Variants in HYCC1 observed in about 807,000 individuals in gnomAD.
HYCC1 encodes hyccin.
the HYCC1 span, among the ~76,000 whole-genome samples, chr7:22,966,674 A>G: frequency 4.6e-5 from 7 of 152,322 alleles, no homozygotes; most frequent in East Asian, 1.3e-3. Context: ...GACTACCTAG[A>G]ACTTAAAGTT....
the HYCC1 span, among the ~76,000 whole-genome samples, chr7:22,970,982 T>G: frequency 6.6e-6 from 1 of 152,162 alleles, no homozygotes; most frequent in Non-Finnish European, 1.5e-5. Context: ...TCACAAGGCA[T>G]GTGAAAATAA....
chr7:22,939,919 G>T, the HYCC1 span: 1 of 152,092 alleles, frequency 6.6e-6, no homozygotes, highest in African/African-American at 2.4e-5. Context: ...ATAATGCAAA[G>T]AAAATAATAA....
chr7:22,924,176 T>TTAA, the HYCC1 span, among the ~76,000 whole-genome samples: 1 of 42,336 alleles, frequency 2.4e-5, no homozygotes, highest in East Asian at 9.8e-4. Flanking sequence ...AGACTCTGTA[T>TTAA]CAAAAAAAAA....
At chr7:22,944,582 A>G in the HYCC1 span, 5 of 152,144 alleles carry the variant, frequency 3.3e-5, no homozygotes, top group African/African-American at 1.2e-4. Flanking sequence ...TCCATATTTC[A>G]CTACCTTTAT....
the HYCC1 span, among the ~76,000 whole-genome samples, chr7:22,971,217 G>A: frequency 0.012 from 1,742 of 150,328 alleles, 33 homozygotes; most frequent in African/African-American, 0.039. Context: ...ATTCATGATA[G>A]ACCAGAACCA....
the HYCC1 span, among the ~76,000 whole-genome samples, chr7:22,929,140 G>A: frequency 1.3e-5 from 2 of 152,220 alleles, no homozygotes; most frequent in East Asian, 3.8e-4. Flanking sequence ...CTAGCCATAT[G>A]TAGAAAGCTG....
At chr7:22,991,060 C>G in the HYCC1 span, 2 of 1,597,540 alleles carry the variant, frequency 1.3e-6, no homozygotes, top group Non-Finnish European at 1.7e-6. Flanking sequence ...GTAAATATTA[C>G]CTTAAACTCT....
chr7:22,993,119 C>A, the HYCC1 span, among the ~76,000 whole-genome samples: 1 of 152,098 alleles, frequency 6.6e-6, no homozygotes, highest in East Asian at 1.9e-4. Flanking sequence ...AAAAATGACA[C>A]TGAAATTCAG....
chr7:22,930,999 T>C, the HYCC1 span, among the ~76,000 whole-genome samples: 1 of 151,994 alleles, frequency 6.6e-6, no homozygotes, highest in African/African-American at 2.4e-5. Context: ...CTCAATGTGA[T>C]AAAGAACATG....
chr7:22,903,739 T>C, the HYCC1 span, among the ~76,000 whole-genome samples: 1 of 152,208 alleles, frequency 6.6e-6, no homozygotes, highest in Non-Finnish European at 1.5e-5. Context: ...CAAATTCTTT[T>C]TTAAAATGAC....
chr7:22,932,569 AT>A, the HYCC1 span, among the ~76,000 whole-genome samples: 1 of 152,086 alleles, frequency 6.6e-6, no homozygotes, highest in Non-Finnish European at 1.5e-5. Flanking sequence ...CAGATGAGAA[AT>A]TTTCCCCAGG....
At chr7:22,944,359 G>A in the HYCC1 span, 1 of 152,090 alleles carries the variant, frequency 6.6e-6, no homozygotes, top group South Asian at 2.1e-4. Context: ...GTCACATACA[G>A]ATACATACAA....
the HYCC1 span, chr7:22,947,009 T>G: frequency 1.3e-6 from 2 of 1,549,816 alleles, no homozygotes; most frequent in Non-Finnish European, 1.7e-6. Flanking sequence ...GTGAGTTTAT[T>G]CCATCCTCCA....
chr7:22,954,262 C>A, the HYCC1 span, among the ~76,000 whole-genome samples: 11 of 150,920 alleles, frequency 7.3e-5, no homozygotes, highest in African/African-American at 2.7e-4. Context: ...TACTAAAATA[C>A]ACCCATTATA....
the HYCC1 span, chr7:22,976,391 A>T: frequency 3.2e-4 from 296 of 930,430 alleles, 2 homozygotes; most frequent in Middle Eastern, 2.1e-4. Context: ...CCTTGGGGAG[A>T]GATACAATGT....
the HYCC1 span, chr7:22,984,183 GT>G: frequency 1.6e-6 from 1 of 622,706 alleles, no homozygotes; most frequent in Non-Finnish European, 2.9e-6. Flanking sequence ...CAGGTATGAA[GT>G]TTCTTTTTGG....
chr7:22,943,793 T>C, the HYCC1 span: 2 of 152,618 alleles, frequency 1.3e-5, no homozygotes, highest in Non-Finnish European at 2.9e-5. Flanking sequence ...ATTAAGTTAA[T>C]ACAATATCAA....
the HYCC1 span, among the ~76,000 whole-genome samples, chr7:22,923,706 G>C: frequency 1.3e-5 from 2 of 152,048 alleles, no homozygotes; most frequent in Admixed American, 6.6e-5. Context: ...AAGTAAAATA[G>C]GGGGCATTAC....
At chr7:22,969,963 T>C in the HYCC1 span, among the ~76,000 whole-genome samples, 32 of 152,062 alleles carry the variant, frequency 2.1e-4, 1 homozygote, top group Non-Finnish European at 4.3e-4. Context: ...AGGAAGGAAA[T>C]AGTATAGGGT....
Sources: gnomAD v4.1 joint callset for allele counts (sites outside exome capture counted in the v4.1 genomes callset) on GRCh38, gnomAD v4.1.1 for gene constraint, MANE v1.5 for transcripts, NCBI Gene and HGNC (gene_info 2026-07-23, HGNC 2026-07-21) for gene names.